IL1RAPL2: variants seen among roughly 807,000 people sequenced by gnomAD.
IL1RAPL2 encodes X-linked interleukin-1 receptor accessory protein-like 2.
Under a neutral mutation model 44.1 loss-of-function variants are expected in IL1RAPL2, and 3 were observed. That is an observed-to-expected ratio of 0.07 (90% CI 0.03 to 0.18). IL1RAPL2 has a LOEUF of 0.18. IL1RAPL2 is among the 10% of genes least tolerant of loss of function. The pLI is 1.00. For synonymous variants in IL1RAPL2, 181 were observed against 178.8 expected (o/e 1.01, Z -0.10); for missense variants, 391 against 496.4 (o/e 0.79, Z 2.02).
chrX:104,624,462 GATCT>G (rs1929460529), intron 1 of IL1RAPL2, among the ~76,000 whole-genome samples: 1 of 111,159 alleles, frequency 9.0e-6, no homozygotes, highest in South Asian at 3.8e-4. Context: ...ATGAAAAGAT[GATCT>G]ATCTAATTCA....
At chrX:104,938,115 T>C (rs769852856) in intron 2 of IL1RAPL2, among the ~76,000 whole-genome samples, 2 of 112,426 alleles carry the variant, frequency 1.8e-5, no homozygotes, top group Non-Finnish European at 3.8e-5. Context: ...GCCAGTAATA[T>C]TGAAAACATT....
intron 2 of IL1RAPL2, among the ~76,000 whole-genome samples, chrX:105,162,928 T>C (rs2033339255): frequency 9.0e-6 from 1 of 111,330 alleles, no homozygotes; most frequent in Non-Finnish European, 1.9e-5. Flanking sequence ...CACCTCGTAA[T>C]TCCATCATGT....
intron 5 of IL1RAPL2, among the ~76,000 whole-genome samples, chrX:105,458,767 C>T (rs2036073826): frequency 8.9e-6 from 1 of 111,999 alleles, no homozygotes; most frequent in African/African-American, 3.2e-5. Flanking sequence ...GACTAATTCT[C>T]TGTGAATAAA....
intron 2 of IL1RAPL2, among the ~76,000 whole-genome samples, chrX:104,725,180 C>T (rs1420162885): frequency 9.0e-6 from 1 of 111,059 alleles, no homozygotes; most frequent in Non-Finnish European, 1.9e-5. Context: ...TGATGGTTTC[C>T]AGCTTTATCC....
intron 2 of IL1RAPL2, among the ~76,000 whole-genome samples, chrX:104,858,787 A>C (rs1922429130): frequency 8.9e-6 from 1 of 112,041 alleles, no homozygotes; most frequent in East Asian, 2.8e-4. Context: ...GTGGTATTAC[A>C]CATAAAGACA....
At chrX:105,234,586 T>A (rs6621947) in intron 4 of IL1RAPL2, among the ~76,000 whole-genome samples, 18,577 of 110,166 alleles carry the variant, frequency 0.17, 3,133 homozygotes, top group African/African-American at 0.52. Flanking sequence ...AGGCGGGCAG[T>A]TCACCTGAGG....
rs1423631985 is a variant in IL1RAPL2, at chrX:105,752,955, A to G, written c.1193-2222A>G. 1.2e-5 allele frequency: 4 copies of G among 328,805 alleles called. No homozygotes were observed. The East Asian group carries it at 3.9e-4, about 32-fold the overall frequency. 27.1% of individuals were successfully genotyped at this position (328,805 alleles called of 1,213,427 possible). A position where few individuals can be genotyped will look rare whatever the true frequency, so the allele number is the denominator to read the frequency against. ...TGAAACCAGAAGCATTCATTTTTTC[A>G]ACGAATGGTGTGCTTCTAGAATGCG... On this transcript the variant is annotated intron_variant, in intron 9 of 10. Transcript: ENST00000372582.
At chrX:104,600,376 AGAAAGT>A (rs1928857298) in intron 1 of IL1RAPL2, among the ~76,000 whole-genome samples, 1 of 110,937 alleles carries the variant, frequency 9.0e-6, no homozygotes, top group African/African-American at 3.3e-5. Flanking sequence ...CTATGAAAAT[AGAAAGT>A]GAAAGCACGT....
intron 2 of IL1RAPL2, among the ~76,000 whole-genome samples, chrX:105,035,824 G>T (rs1428799018): frequency 1.8e-5 from 2 of 112,426 alleles, no homozygotes; most frequent in African/African-American, 3.2e-5. Context: ...TTTATTCCAT[G>T]AGAAATTAAT....
intron 2 of IL1RAPL2, among the ~76,000 whole-genome samples, chrX:104,997,562 A>T (rs1354490705): frequency 9.0e-6 from 1 of 111,718 alleles, no homozygotes; most frequent in South Asian, 3.7e-4. Flanking sequence ...TACTGGAAGC[A>T]TGGGAATTAA....
intron 2 of IL1RAPL2, among the ~76,000 whole-genome samples, chrX:105,186,161 G>A (rs1475743184): frequency 5.4e-5 from 6 of 111,161 alleles, no homozygotes; most frequent in African/African-American, 1.3e-4. Flanking sequence ...TTAATGTAGG[G>A]GAGAGGGTCC....
chrX:105,329,090 T>A (rs1480192579), intron 5 of IL1RAPL2, among the ~76,000 whole-genome samples: 4 of 112,433 alleles, frequency 3.6e-5, no homozygotes, highest in Non-Finnish European at 7.5e-5. Flanking sequence ...TTTAATATAG[T>A]TTCAGTCATT....
rs750426365 is a variant in IL1RAPL2, at chrX:105,028,097, T to G, written c.83-167378T>G. ...CAGGCACAGAAAGACAAATATCACG[T>G]GTTCTCACCTATGGGATCTAAAAAT... On this transcript the variant is annotated intron_variant, in intron 2 of 10. Transcript: ENST00000372582. Among the ~76,000 whole-genome samples, 3 of 111,510 alleles carry G rather than the reference T, an allele frequency of 2.7e-5. No individual in the cohort carries two copies. The East Asian group carries it at 8.5e-4, about 32-fold the overall frequency.
chrX:105,493,807 G>A (rs1174638099), intron 6 of IL1RAPL2, among the ~76,000 whole-genome samples: 1 of 111,766 alleles, frequency 8.9e-6, no homozygotes, highest in Non-Finnish European at 1.9e-5. Flanking sequence ...AGTTAAAGGG[G>A]TGTCTAGTGT....
intron 2 of IL1RAPL2, among the ~76,000 whole-genome samples, chrX:105,038,327 C>A (rs2031664504): frequency 8.9e-6 from 1 of 111,959 alleles, no homozygotes; most frequent in Non-Finnish European, 1.9e-5. Flanking sequence ...TCTTGTACCA[C>A]CATTTCTGCT....
chrX:104,642,497 T>C (rs1033442126), intron 1 of IL1RAPL2, among the ~76,000 whole-genome samples: 1 of 111,525 alleles, frequency 9.0e-6, no homozygotes, highest in Non-Finnish European at 1.9e-5. Context: ...CTTTTCTTTT[T>C]TTTTTTGACG....
chrX:104,609,725 C>T (rs1929108487), intron 1 of IL1RAPL2, among the ~76,000 whole-genome samples: 1 of 111,950 alleles, frequency 8.9e-6, no homozygotes, highest in South Asian at 3.7e-4. Context: ...ATTCTCTACA[C>T]TGGTTATTCT....
chrX:105,667,181 A>G (rs932093882), intron 6 of IL1RAPL2, among the ~76,000 whole-genome samples: 1 of 111,933 alleles, frequency 8.9e-6, no homozygotes, highest in African/African-American at 3.3e-5. Context: ...AATAGCACAA[A>G]TTATACACAG....
At chrX:105,618,699 A>C (rs1020321392) in intron 6 of IL1RAPL2, among the ~76,000 whole-genome samples, 2 of 112,314 alleles carry the variant, frequency 1.8e-5, no homozygotes, top group Non-Finnish European at 3.8e-5. Flanking sequence ...AATTGGAATA[A>C]AACCATAAAA....
Sources: gnomAD v4.1 joint callset for allele counts (sites outside exome capture counted in the v4.1 genomes callset) on GRCh38, gnomAD v4.1.1 for gene constraint, MANE v1.5 for transcripts, NCBI Gene and HGNC (gene_info 2026-07-23, HGNC 2026-07-21) for gene names.